Variants in MIA3 observed in about 807,000 individuals in gnomAD.
MIA3 encodes transport and Golgi organization protein 1 homolog.
MIA3 carries 90 observed loss-of-function variants against 192.4 expected under a neutral mutation model. The observed-to-expected ratio is 0.47, with a 90% confidence interval of 0.39 to 0.56. The LOEUF (loss-of-function observed/expected upper bound fraction) is 0.56. Among genes scored for constraint, MIA3 ranks in the 20% least tolerant of loss-of-function variants. The pLI, the probability that MIA3 is intolerant of heterozygous loss-of-function variation, is 0.00. For synonymous variants in MIA3, 740 were observed against 792.8 expected, an observed-to-expected ratio of 0.93 and a Z score of 1.12; for missense variants, 2,123 against 2,269.4, an observed-to-expected ratio of 0.94 and a Z score of 1.31.
intron 8 of MIA3, 197 bp from the exon 9 acceptor site, chr1:222,650,095 C>A: frequency 1.7e-6 from 1 of 578,630 alleles, no homozygotes; most frequent in South Asian, 1.8e-5. Flanking sequence ...CCCACCTGAA[C>A]ACTGGGTACT....
intron 2 of MIA3, 34 bp from the exon 3 acceptor site, chr1:222,624,734 G>A (rs1662029709): frequency 1.0e-6 from 1 of 956,422 alleles, no homozygotes; most frequent in Non-Finnish European, 1.7e-6. Flanking sequence ...GAATTTGATT[G>A]ATATGTGTCC....
At chr1:222,653,858 A>G (rs1024713904) in intron 15 of MIA3, among the ~76,000 whole-genome samples, 1 of 152,250 alleles carries the variant, frequency 6.6e-6, no homozygotes, top group Non-Finnish European at 1.5e-5. Flanking sequence ...CTGATGAGGA[A>G]AATGTTTCTA....
intron 12 of MIA3, 46 bp from the exon 13 acceptor site, chr1:222,652,182 T>C (rs2124907600): frequency 6.6e-7 from 1 of 1,516,640 alleles, no homozygotes; most frequent in East Asian, 2.3e-5. Context: ...TAACTTTTTC[T>C]GGTTTTCTTT....
At chr1:222,650,750 G>A (rs1305183303) in intron 10 of MIA3, 39 bp downstream of exon 10, 4 of 1,564,686 alleles carry the variant, frequency 2.6e-6, no homozygotes, top group Non-Finnish European at 3.5e-6. Flanking sequence ...TAAAACAAAA[G>A]TAAAAGTAAT....
Position 222,630,156 on chromosome 1 carries a change from T to C in MIA3, c.2936T>C (p.Phe979Ser). The C allele has an allele frequency of 6.2e-7, 1 of 1,614,224 alleles. No individual in the cohort carries two copies. Among genetic ancestry groups the C allele is most frequent in the Non-Finnish European group, 8.5e-7 (1 of 1,180,038 alleles). Residue 979 changes from phenylalanine to serine, a missense_variant, in exon 4 of 28, where the codon TTC (phenylalanine) becomes TCC (serine). By Grantham distance (155) the Phe-to-Ser change is radical. Around this residue, in one of 3 missense-constraint regions of MIA3, gnomAD observed 1,357 missense variants for 1,396.1 expected, o/e 0.97. Coordinates refer to ENST00000344922, the MANE Select transcript of MIA3 (RefSeq NM_198551.4). ...ATGGAAAAAGTCCTAGATAAGGTCT[T>C]CCGTGCTTCTGAGTCACAAATTCTG... ...YNMEKVLDKVFRASESQILSI... is the reference protein window; with the variant it reads ...YNMEKVLDKVSRASESQILSI...
intron 6 of MIA3, chr1:222,644,706 G>A (rs1166274879): frequency 2.7e-6 from 3 of 1,123,150 alleles, no homozygotes; most frequent in East Asian, 5.2e-5. Flanking sequence ...CAGATCCGAG[G>A]AAAGCAAGAC....
At chr1:222,643,817 T>C (rs1354951447) in intron 6 of MIA3, among the ~76,000 whole-genome samples, 1 of 151,906 alleles carries the variant, frequency 6.6e-6, no homozygotes, top group Non-Finnish European at 1.5e-5. Context: ...ACTCAACCCA[T>C]GTGCATGGGG....
In MIA3 at chr1:222,629,199, A is replaced by G; in HGVS notation, c.1979A>G (p.Glu660Gly). The G allele has an allele frequency of 6.2e-7, 1 of 1,614,170 alleles. No homozygotes were observed. The highest frequency in any genetic ancestry group is 8.5e-7 in the Non-Finnish European group (1 of 1,180,028). ...ILGRNLPWQQ[E>G]RDVAATASKQ... The stretch of plus-strand genomic sequence containing the variant: ...GGAAGAAATCTTCCCTGGCAACAAG[A>G]AAGAGATGTGGCTGCCACAGCCAGT... Residue 660 changes from glutamate to glycine, a missense_variant, in exon 4 of 28, where the codon GAA becomes GGA. Coordinates refer to ENST00000344922, the MANE Select transcript of MIA3 (RefSeq NM_198551.4).
intron 6 of MIA3, among the ~76,000 whole-genome samples, chr1:222,640,647 A>G (rs1662813242): frequency 6.6e-6 from 1 of 152,220 alleles, no homozygotes; most frequent in South Asian, 2.1e-4. Context: ...CCCTAAAACC[A>G]TAAAACTTCT....
intron 2 of MIA3, among the ~76,000 whole-genome samples, chr1:222,622,146 C>G (rs1197489988): frequency 6.6e-6 from 1 of 152,082 alleles, no homozygotes; most frequent in Non-Finnish European, 1.5e-5. Context: ...TCATCCTTGT[C>G]CTGCTTTTCA....
At chr1:222,644,535 T>C in intron 6 of MIA3, 1 of 1,550,532 alleles carries the variant, frequency 6.4e-7, no homozygotes, top group Non-Finnish European at 8.7e-7. Context: ...ACCCGGAACT[T>C]GTGGGACCCT....
At chr1:222,624,671 G>C in intron 2 of MIA3, 97 bp from the exon 3 acceptor site, 1 of 658,310 alleles carries the variant, frequency 1.5e-6, no homozygotes, top group Non-Finnish European at 2.8e-6. Context: ...TTGATTGCTT[G>C]ATATGTGCTG....
intron 6 of MIA3, among the ~76,000 whole-genome samples, chr1:222,635,195 G>A (rs1197476470): frequency 6.6e-6 from 1 of 152,234 alleles, no homozygotes; most frequent in Non-Finnish European, 1.5e-5. Flanking sequence ...GAAGTTTTCA[G>A]GGATTAAGAC....
At chr1:222,634,479 T>G (rs1037755270) in intron 6 of MIA3, among the ~76,000 whole-genome samples, 1 of 152,170 alleles carries the variant, frequency 6.6e-6, no homozygotes, top group Non-Finnish European at 1.5e-5. Context: ...GATTGTCAGG[T>G]CTGTTTCTTA....
At chr1:222,644,952 A>C (rs1422039747) in intron 6 of MIA3, among the ~76,000 whole-genome samples, 1 of 152,208 alleles carries the variant, frequency 6.6e-6, no homozygotes, top group Non-Finnish European at 1.5e-5. Flanking sequence ...TAGAGCAGAC[A>C]GGTGTTTAAT....
rs1234803575 is a variant in MIA3, at chr1:222,662,104, C to T, written c.5162C>T (p.Ser1721Phe). Residue 1721 changes from serine to phenylalanine, a missense_variant, in exon 25 of 28, where the codon TCT (serine) becomes TTT (phenylalanine). Around this residue, in one of 3 missense-constraint regions of MIA3, gnomAD observed 762 missense variants for 856.4 expected, o/e 0.89. Transcript: ENST00000344922. Reference sequence around the variant, plus strand: ...CATCCTCGATGGTCAGCTGAGGCATCTGGGAAACCCTCTCCTTCTGGTAAG... The same window carrying T: ...CATCCTCGATGGTCAGCTGAGGCATTTGGGAAACCCTCTCCTTCTGGTAAG... Reference protein sequence around the residue: ...LPHPRWSAEASGKPSPSDPGS... With the variant: ...LPHPRWSAEAFGKPSPSDPGS... 1 of 1,614,084 alleles carries T rather than the reference C, an allele frequency of 6.2e-7. No individual in the cohort carries two copies. Among genetic ancestry groups the T allele is most frequent in the Admixed American group, 1.7e-5 (1 of 60,012 alleles).
chr1:222,634,396 G>A (rs1194427566), intron 6 of MIA3, among the ~76,000 whole-genome samples: 1 of 152,128 alleles, frequency 6.6e-6, no homozygotes, highest in African/African-American at 2.4e-5. Flanking sequence ...AAGTCAGAAA[G>A]GAAATTGTAC....
chr1:222,620,522 A>C (rs1661807741), intron 1 of MIA3, among the ~76,000 whole-genome samples: 1 of 152,250 alleles, frequency 6.6e-6, no homozygotes, highest in African/African-American at 2.4e-5. Context: ...GATGTAATTG[A>C]ATCTATAGTA....
At chr1:222,641,567 C>A in intron 6 of MIA3, 2 of 509,904 alleles carry the variant, frequency 3.9e-6, no homozygotes, top group South Asian at 2.9e-5. Flanking sequence ...TTCAAGAAGT[C>A]CTTGGCATCC....
Sources: allele counts gnomAD v4.1 joint callset (sites outside exome capture counted in the v4.1 genomes callset), GRCh38; gene constraint gnomAD v4.1.1; regional missense constraint gnomAD v4.1.1; transcripts MANE v1.5; gene names NCBI Gene and HGNC (gene_info 2026-07-23, HGNC 2026-07-21).